Variants in PKHD1 observed in about 807,000 individuals in gnomAD.
PKHD1 encodes fibrocystin.
In PKHD1, 291 loss-of-function variants were observed where a neutral mutation model predicts 412.0. The observed-to-expected ratio is 0.71, with a 90% CI of 0.64 to 0.78. The LOEUF (loss-of-function observed/expected upper bound fraction) is 0.78, where lower values mean the gene tolerates loss of function less well. Ranked by LOEUF, PKHD1 falls within the 30% of genes least tolerant of loss-of-function variation. The pLI, the probability that PKHD1 is intolerant of heterozygous loss-of-function variation, is 0.00. For missense variants in PKHD1, 4,825 were observed against 4,950.7 expected (o/e 0.97, Z 0.76); for synonymous variants, 1,777 against 1,821.5 (o/e 0.98, Z 0.62).
At chr6:51,928,873 C>T (rs2127746843) in intron 37 of PKHD1, among the ~76,000 whole-genome samples, 1 of 152,262 alleles carries the variant, frequency 6.6e-6, no homozygotes, top group Admixed American at 6.5e-5. Flanking sequence ...GTCTTTCTCT[C>T]CATCCTGCGT....
At chr6:51,858,273 T>G (rs1436201131) in intron 48 of PKHD1, among the ~76,000 whole-genome samples, 2 of 152,226 alleles carry the variant, frequency 1.3e-5, no homozygotes, top group African/African-American at 4.8e-5. Flanking sequence ...ATTTCCCTTC[T>G]TAGAATTTCT....
Position 52,022,893 on chromosome 6 carries a change from C to T in PKHD1, c.5288G>A (p.Gly1763Glu), listed in dbSNP as rs1324338049. The T allele has an allele frequency of 1.9e-6, 3 of 1,614,108 alleles. No homozygotes were observed. The highest frequency in any genetic ancestry group is 3.3e-5 in the Admixed American group (2 of 60,008). The change falls in exon 33 of 67, where the codon GGG becomes GAG. Residue 1763 changes from glycine to glutamate, a missense_variant. By Grantham distance (98) the Gly-to-Glu change is moderately conservative. Coordinates refer to ENST00000371117, the MANE Select transcript of PKHD1 (RefSeq NM_138694.4). ...ACCACACACAGCAGCTGAGACATTC[C>T]CTGGAGAAAATCCCGCTCCAAACAC... ...VHVFGAGFSP[G>E]NVSAAVCGAP... is the part of the protein sequence containing the mutation.
intron 41 of PKHD1, among the ~76,000 whole-genome samples, chr6:51,905,109 A>G (rs1470719503): frequency 6.6e-6 from 1 of 152,230 alleles, no homozygotes; most frequent in Admixed American, 6.5e-5. Flanking sequence ...TAAATGAAAC[A>G]TGTATTTTTC....
chr6:51,896,428 C>T (rs1162786354), intron 43 of PKHD1, among the ~76,000 whole-genome samples: 3 of 151,906 alleles, frequency 2.0e-5, no homozygotes, highest in Non-Finnish European at 2.9e-5. Context: ...CGGCAGGGTA[C>T]TCCAACAGAC....
Position 52,054,042 on chromosome 6 carries a change from C to A in PKHD1, c.1960G>T (p.Glu654Ter). 6.2e-7 allele frequency: 1 copy of A among 1,613,854 alleles called. No homozygotes were observed. Among genetic ancestry groups the A allele is most frequent in the Non-Finnish European group, 8.5e-7 (1 of 1,179,820 alleles). The change falls in exon 20 of 67, where the codon GAG becomes TAG. Residue 654 changes from glutamate (E) to a stop codon, truncating the protein, a stop_gained. Transcript: ENST00000371117. LOFTEE classifies it high-confidence loss of function. ...GCCTCCCCACCGATTAGCTACCTCT[C>A]GGGGCTGGTCCTCGTGAGACTCCAG... ...CDWSLTRTSP[E>*]SWQFDCTDLW...
At chr6:51,686,002 G>A (rs1777380922) in intron 60 of PKHD1, among the ~76,000 whole-genome samples, 3 of 151,954 alleles carry the variant, frequency 2.0e-5, no homozygotes, top group Admixed American at 6.6e-5. Flanking sequence ...ACTTATCCAC[G>A]TCTGACACTT....
At chr6:51,721,913 C>T (rs1781968486) in intron 60 of PKHD1, 23 of 1,610,652 alleles carry the variant, frequency 1.4e-5, no homozygotes, top group Non-Finnish European at 1.9e-5. Flanking sequence ...GGTCCATGCT[C>T]CAACCCATTC....
chr6:51,738,186 C>T (rs1562198599), intron 60 of PKHD1, among the ~76,000 whole-genome samples: 1 of 152,230 alleles, frequency 6.6e-6, no homozygotes, highest in South Asian at 2.1e-4. Flanking sequence ...AGCTTCCTGG[C>T]TGCACTGCCC....
At chr6:51,992,480 A>G (rs1797158516) in intron 35 of PKHD1, among the ~76,000 whole-genome samples, 1 of 152,250 alleles carries the variant, frequency 6.6e-6, no homozygotes, top group Admixed American at 6.5e-5. Context: ...TCCCTGATTC[A>G]GTGGTGCCTG....
chr6:51,959,670 C>T (rs1003550343), intron 36 of PKHD1, among the ~76,000 whole-genome samples, 200 bp downstream of exon 36: 6 of 152,058 alleles, frequency 3.9e-5, no homozygotes, highest in Non-Finnish European at 7.4e-5. Flanking sequence ...AAGCTCTGTG[C>T]TTATAATGAG....
chr6:51,824,945 T>C (rs1176600583), intron 52 of PKHD1, among the ~76,000 whole-genome samples: 1 of 152,088 alleles, frequency 6.6e-6, no homozygotes, highest in Non-Finnish European at 1.5e-5. Context: ...GAAGAGGTGG[T>C]GTAATTAACA....
intron 48 of PKHD1, 108 bp downstream of exon 48, chr6:51,867,755 A>G: frequency 9.6e-7 from 1 of 1,044,714 alleles, no homozygotes; most frequent in Non-Finnish European, 1.5e-6. Flanking sequence ...TTTAGAGCTA[A>G]ATACTTCAAA....
At chr6:51,631,614 A>C (rs1016057386) in intron 65 of PKHD1, among the ~76,000 whole-genome samples, 2 of 152,074 alleles carry the variant, frequency 1.3e-5, no homozygotes, top group Non-Finnish European at 2.9e-5. Flanking sequence ...AGAGCCTCCT[A>C]GTAAGACAAG....
At chr6:51,830,207 T>C (rs1242059316) in intron 52 of PKHD1, among the ~76,000 whole-genome samples, 2 of 152,096 alleles carry the variant, frequency 1.3e-5, no homozygotes, top group African/African-American at 2.4e-5. Context: ...TGAAAAACAT[T>C]TTCTTCTCAG....
chr6:51,669,974 G>A (rs987753840), intron 60 of PKHD1, among the ~76,000 whole-genome samples: 2 of 151,438 alleles, frequency 1.3e-5, no homozygotes, highest in Non-Finnish European at 2.9e-5. Context: ...CAACTATGTG[G>A]TCAATTTTGG....
chr6:51,932,007 A>G lies in PKHD1; in HGVS notation c.6121+2103T>C, dbSNP rs1028320120. ...TAAAGGAGAGGGAGAGAGGAGAAAGAGGAAGGAGGAGATGGAAATGAGGAA... is the reference window on the plus strand; with the variant it reads ...TAAAGGAGAGGGAGAGAGGAGAAAGGGGAAGGAGGAGATGGAAATGAGGAA... On this transcript the variant is annotated intron_variant, in intron 37 of 66. Coordinates refer to ENST00000371117, the MANE Select transcript of PKHD1 (RefSeq NM_138694.4). Among the ~76,000 whole-genome samples the G allele has an allele frequency of 2.0e-5, 3 of 152,026 alleles. 1 individual carries two copies. Among genetic ancestry groups the G allele is most frequent in the South Asian group, 4.2e-4 (2 of 4,810 alleles).
chr6:51,906,034 G>A (rs1005088051), intron 41 of PKHD1, among the ~76,000 whole-genome samples, 181 bp downstream of exon 41: 4 of 152,246 alleles, frequency 2.6e-5, no homozygotes, highest in East Asian at 1.9e-4. Context: ...TATAGGTAAA[G>A]TTTAGTAAGC....
intron 60 of PKHD1, among the ~76,000 whole-genome samples, chr6:51,662,790 C>T (rs139241471): frequency 2.6e-4 from 39 of 151,976 alleles, no homozygotes; most frequent in African/African-American, 8.2e-4. Context: ...TACAAACAAA[C>T]ATTTGCCAAC....
rs991022546 is a variant in PKHD1, at chr6:51,720,655, AT to A, written c.10156+23729del. Among the ~76,000 whole-genome samples the A allele has an allele frequency of 3.2e-3, 472 of 148,794 alleles. 3 individuals carry two copies. Among genetic ancestry groups the A allele is most frequent in the African/African-American group, 9.3e-3 (376 of 40,404 alleles). ...ATTTTGATGCACTTATAGCACTCCT[AT>A]TTTTTTTTCATTATATAGCATTTAT... On this transcript the variant is annotated intron_variant, in intron 60 of 66. Coordinates refer to ENST00000371117, the MANE Select transcript of PKHD1 (RefSeq NM_138694.4).
Sources: allele counts gnomAD v4.1 joint callset (sites outside exome capture counted in the v4.1 genomes callset), GRCh38; gene constraint gnomAD v4.1.1; transcripts MANE v1.5; gene names NCBI Gene and HGNC (gene_info 2026-07-23, HGNC 2026-07-21).